ABCC5: variants seen among roughly 807,000 people sequenced by gnomAD.
The protein encoded by ABCC5 is ATP-binding cassette sub-family C member 5.
ABCC5 carries 61 observed loss-of-function variants against 160.9 expected under a neutral mutation model. The ratio of observed to expected loss-of-function variants is 0.38; its 90% CI spans 0.31 to 0.47. The LOEUF is 0.47. Among genes scored for constraint, ABCC5 ranks in the 20% least tolerant of loss-of-function variants. The pLI is 0.99. For synonymous variants in ABCC5, 666 were observed against 700.6 expected, an observed-to-expected ratio of 0.95 and a Z score of 0.78; for missense variants, 1,308 against 1,813.3, an observed-to-expected ratio of 0.72 and a Z score of 5.06.
intron 2 of ABCC5, among the ~76,000 whole-genome samples, chr3:184,009,481 T>G (rs1466231951): frequency 6.6e-6 from 1 of 152,216 alleles, no homozygotes; most frequent in Admixed American, 6.5e-5. Flanking sequence ...CCCAACTACT[T>G]ACATTATCCA....
At chr3:183,956,187 T>C (rs1470909144) in intron 17 of ABCC5, among the ~76,000 whole-genome samples, 1 of 145,022 alleles carries the variant, frequency 6.9e-6, no homozygotes, top group African/African-American at 2.5e-5. Flanking sequence ...CAGATCCGTG[T>C]GTAAATCACA....
rs376932986 is a variant in ABCC5, at chr3:183,963,446, T to C, written c.2174A>G (p.Asn725Ser). The change falls in exon 15 of 30, where the codon AAT (asparagine) becomes AGT (serine). Residue 725 changes from asparagine (N) to serine (S), a missense_variant. By Grantham distance (46) the Asn-to-Ser change is conservative. Around this residue, in one of 3 missense-constraint regions of ABCC5, gnomAD observed 1,142 missense variants for 1,527.1 expected, o/e 0.75. Coordinates refer to ENST00000334444, the MANE Select transcript of ABCC5 (RefSeq NM_005688.4). This position sits in a 1 kb window ranked among gnomAD's most constrained non-coding sequence, Gnocchi z 4.6. ...LDAHVGNHIF[N>S]SAIRKHLKSK... ...CTTGAGATGTTTCCGGATAGCACTA[T>C]TGAAGATGTGGTTGCCCACATGGGC... 34 of 1,614,262 alleles carry C rather than the reference T, an allele frequency of 2.1e-5. No homozygotes were observed. The highest frequency in any genetic ancestry group is 2.2e-5 in the East Asian group (1 of 44,890).
At position 184,014,463 on chromosome 3, in the gene ABCC5, C is replaced by A; in HGVS notation, c.-55-16G>T. On this transcript the variant is annotated splice_polypyrimidine_tract_variant and intron_variant, in intron 1 of 29. Coordinates refer to ENST00000334444, the MANE Select transcript of ABCC5 (RefSeq NM_005688.4). ...ATCAGAATTCCTGAAATTAAAAATTCATCAAGAAATAGATTATTTCCTAAA... is the reference window on the plus strand; with the variant it reads ...ATCAGAATTCCTGAAATTAAAAATTAATCAAGAAATAGATTATTTCCTAAA... The A allele has an allele frequency of 1.4e-5, 21 of 1,454,888 alleles. No individual in the cohort carries two copies. Among genetic ancestry groups the A allele is most frequent in the East Asian group, 8.2e-5 (3 of 36,578 alleles). The allele number at this position is 1,454,888 out of a possible 1,614,324, so 90.1% of individuals were successfully genotyped here. A position where few individuals can be genotyped will look rare whatever the true frequency, so the allele number is the denominator to read the frequency against.
rs1373816398 is a variant in ABCC5 at position 183,949,332 on chromosome 3, A to G, written c.3227+421T>C. Among the ~76,000 whole-genome samples the G allele has an allele frequency of 6.6e-6, 1 of 152,236 alleles. No homozygotes were observed. The highest frequency in any genetic ancestry group is 2.4e-5 in the African/African-American group (1 of 41,466). On this transcript the variant is annotated intron_variant, in intron 22 of 29. Coordinates refer to ENST00000334444, the MANE Select transcript of ABCC5 (RefSeq NM_005688.4). This position sits in a 1 kb window ranked among gnomAD's most constrained non-coding sequence, Gnocchi z 4.2. ...TCAAATGTCATGACTACCTTTTACT[A>G]CTTAAAAGAAAAAGCAAAACTCTAT...
intron 12 of ABCC5, 38 bp downstream of exon 12, chr3:183,967,657 G>C (rs749404800): frequency 1.3e-5 from 21 of 1,564,902 alleles, no homozygotes; most frequent in Non-Finnish European, 1.7e-5. Context: ...TTGCAAACCA[G>C]AGAAAGCAGC....
intron 26 of ABCC5, among the ~76,000 whole-genome samples, chr3:183,932,271 G>C (rs1057336438): frequency 2.6e-5 from 4 of 152,162 alleles, no homozygotes; most frequent in Admixed American, 2.6e-4. Context: ...ACTGATTTTG[G>C]CTTTTAGTTG....
intron 12 of ABCC5, among the ~76,000 whole-genome samples, chr3:183,965,736 A>G (rs1717160322): frequency 2.0e-5 from 3 of 152,184 alleles, no homozygotes; most frequent in Non-Finnish European, 4.4e-5. Flanking sequence ...GAAGGCAAAC[A>G]CTTCCCTCTG....
In ABCC5 at chr3:183,971,812, G is replaced by A; in HGVS notation, c.1512C>T (p.Ser504=). 1 of 1,614,132 alleles carries A rather than the reference G, an allele frequency of 6.2e-7. No homozygotes were observed. The highest frequency in any genetic ancestry group is 8.5e-7 in the Non-Finnish European group (1 of 1,180,026). ...NATLAWDSSH[S]SIQNSPKLTP... is the part of the protein sequence containing the mutation. ...TCAGCTTGGGCGAGTTCTGGATACT[G>A]GAGTGGGAGGAGTCCCATGCCAAGG... is the stretch of plus-strand genomic sequence containing the variant. The change falls in exon 11 of 30, where the codon TCC becomes TCT. Residue 504 remains serine (S), a synonymous_variant. Transcript: ENST00000334444.
In ABCC5 at chr3:183,951,905, C is replaced by A. The variant is rs1163964631; in HGVS notation, c.2766G>T (p.Met922Ile). The A allele has an allele frequency of 1.9e-6, 3 of 1,614,088 alleles. No homozygotes were observed. The Admixed American group carries it at 5.0e-5, about 27-fold the overall frequency. ...QYYASIYALS[M>I]AVMLILKAIR... ...TGGCTTTCAGGATCAGCATGACTGC[C>A]ATGGAGAGGGCGTAGATGCTGGCAT... Residue 922 changes from methionine (M) to isoleucine (I), a missense_variant, in exon 19 of 30, where the codon ATG becomes ATT. Coordinates refer to ENST00000334444, the MANE Select transcript of ABCC5 (RefSeq NM_005688.4). The surrounding 1 kb of genome is among the most constrained non-coding windows in gnomAD (Gnocchi z 4.7).
chr3:183,954,758 C>T (rs566497940), intron 17 of ABCC5, among the ~76,000 whole-genome samples: 49 of 152,176 alleles, frequency 3.2e-4, no homozygotes, highest in African/African-American at 8.0e-4. Flanking sequence ...TTAATTTTGC[C>T]ACGGTTAAGA....
At chr3:183,967,184 T>C (rs1717300246) in intron 12 of ABCC5, 1 of 163,910 alleles carries the variant, frequency 6.1e-6, no homozygotes, top group African/African-American at 2.4e-5. Context: ...CTCAAGGCCT[T>C]GCTCCCCACT....
rs1559998408 is a variant in ABCC5, at chr3:183,951,585, A to G, written c.2815-15T>C. The G allele has an allele frequency of 8.7e-6, 14 of 1,613,482 alleles. No homozygotes were observed. Among genetic ancestry groups the G allele is most frequent in the Non-Finnish European group, 1.2e-5 (14 of 1,179,828 alleles). On this transcript the variant is annotated splice_polypyrimidine_tract_variant and intron_variant, in intron 19 of 29. Transcript: ENST00000334444. This position sits in a 1 kb window ranked among gnomAD's most constrained non-coding sequence, Gnocchi z 4.7. Reference sequence around the variant, plus strand: ...CGCAGCGTGCCCTGAGGAGCAGAGCACAGAGTGGTCAGGGCCCAGGGACGG... The same window carrying G: ...CGCAGCGTGCCCTGAGGAGCAGAGCGCAGAGTGGTCAGGGCCCAGGGACGG...
intron 11 of ABCC5, among the ~76,000 whole-genome samples, chr3:183,968,273 C>T (rs1449484630): frequency 2.0e-5 from 3 of 152,026 alleles, no homozygotes; most frequent in Non-Finnish European, 4.4e-5. Flanking sequence ...CTACACCCAG[C>T]TAATTTTTAT....
chr3:183,993,534 C>G (rs923590124), intron 2 of ABCC5, among the ~76,000 whole-genome samples: 7 of 149,070 alleles, frequency 4.7e-5, no homozygotes, highest in Non-Finnish European at 1.0e-4. Flanking sequence ...TGAGCTAAAT[C>G]CAGGAATACA....
intron 5 of ABCC5, chr3:183,984,433 A>G: frequency 9.9e-7 from 1 of 1,008,368 alleles, no homozygotes; most frequent in Non-Finnish European, 1.2e-6. Context: ...GCTGAATGAC[A>G]GACAAAAATG....
Position 183,956,946 on chromosome 3 carries a change from G to A in ABCC5, c.2482+2787C>T, listed in dbSNP as rs79024212. On this transcript the variant is annotated intron_variant, in intron 17 of 29. Coordinates refer to ENST00000334444, the MANE Select transcript of ABCC5 (RefSeq NM_005688.4). ...TGTGTAAATCACATCGGTTACATGC[G>A]GATCCGTGTGTACATCACATCGGTT... Among the ~76,000 whole-genome samples, 170 of 97,328 alleles carry A rather than the reference G, an allele frequency of 1.7e-3. 1 individual carries two copies. The highest frequency in any genetic ancestry group is 2.2e-3 in the Admixed American group (22 of 9,822). The allele number at this position is 97,328 out of a possible 152,430, so 63.9% of individuals were successfully genotyped here.
At position 183,963,658 on chromosome 3, in the gene ABCC5, C is replaced by A; in HGVS notation, c.2032-70G>T. ...GAACAGCGTGGAGGGGTCACCCAGTCACTTCTCTTCTTGCCCACCCAGACC... is the reference window on the plus strand; with the variant it reads ...GAACAGCGTGGAGGGGTCACCCAGTAACTTCTCTTCTTGCCCACCCAGACC... On this transcript the variant is annotated intron_variant, in intron 14 of 29. Coordinates refer to ENST00000334444, the MANE Select transcript of ABCC5 (RefSeq NM_005688.4). The surrounding 1 kb of genome is among the most constrained non-coding windows in gnomAD (Gnocchi z 4.6). 1 of 1,486,290 alleles carries A rather than the reference C, an allele frequency of 6.7e-7. No homozygotes were observed. Among genetic ancestry groups the A allele is most frequent in the South Asian group, 1.2e-5 (1 of 83,754 alleles). 92.1% of individuals were successfully genotyped at this position (1,486,290 alleles called of 1,614,324 possible). A position where few individuals can be genotyped will look rare whatever the true frequency, so the allele number is the denominator to read the frequency against.
At chr3:183,966,946 T>C (rs571455827) in intron 12 of ABCC5, among the ~76,000 whole-genome samples, 13 of 152,202 alleles carry the variant, frequency 8.5e-5, no homozygotes, top group African/African-American at 2.9e-4. Context: ...CATAAGTTTA[T>C]GCTCATCTCA....
chr3:184,013,959 G>A lies in ABCC5; in HGVS notation c.129+305C>T, dbSNP rs56151621. On this transcript the variant is annotated intron_variant, in intron 2 of 29. Coordinates refer to ENST00000334444, the MANE Select transcript of ABCC5 (RefSeq NM_005688.4). ...ATGATCCCAGCTCACTGCAACCTCC[G>A]CCTCTTGGGTTCAAGCGATTCTCGT... is the stretch of plus-strand genomic sequence containing the variant. 9.4e-3 allele frequency among the ~76,000 whole-genome samples: 1,432 copies of A among 152,188 alleles called. 26 individuals carry two copies. The highest frequency in any genetic ancestry group is 0.033 in the African/African-American group (1,376 of 41,504).
Sources: gnomAD v4.1 joint callset for allele counts (sites outside exome capture counted in the v4.1 genomes callset) on GRCh38, gnomAD v4.1.1 for gene constraint, gnomAD v4.1.1 regional missense constraint, Gnocchi (gnomAD v3.1) non-coding constraint, MANE v1.5 for transcripts, NCBI Gene and HGNC (gene_info 2026-07-23, HGNC 2026-07-21) for gene names.